ACBD6: variants seen among roughly 807,000 people sequenced by gnomAD.
The protein encoded by ACBD6 is acyl-CoA binding domain containing 6.
In ACBD6, 28 loss-of-function variants were observed where a neutral mutation model predicts 37.2. The observed-to-expected ratio is 0.75, with a 90% CI of 0.56 to 1.03. ACBD6 has a LOEUF of 1.03. Ranked by LOEUF, ACBD6 falls within the 50% of genes least tolerant of loss-of-function variation. The probability of loss-of-function intolerance (pLI) is 0.00; values close to 1 mark genes in which losing one functional copy is unlikely to be tolerated. For synonymous variants in ACBD6, 113 were observed against 126.8 expected, an observed-to-expected ratio of 0.89 and a Z score of 0.73; for missense variants, 340 against 337.4, an observed-to-expected ratio of 1.01 and a Z score of -0.06.
exon 14 of ACBD6, chr1:180,271,711 G>A (rs894691128): frequency 5.2e-5 from 67 of 1,286,254 alleles, no homozygotes; most frequent in Middle Eastern, 2.5e-4. Flanking sequence ...GGGGCGCATC[G>A]CACTCCCAGA....
chr1:180,478,500 T>C (rs566882062), intron 3 of ACBD6, among the ~76,000 whole-genome samples: 1 of 152,142 alleles, frequency 6.6e-6, no homozygotes, highest in East Asian at 1.9e-4. Flanking sequence ...TCTTTTTTTT[T>C]TTTTTTGAGA....
At chr1:180,305,298 T>C (rs931445350) in intron 7 of ACBD6, among the ~76,000 whole-genome samples, 3 of 152,064 alleles carry the variant, frequency 2.0e-5, no homozygotes, top group Admixed American at 1.3e-4. Flanking sequence ...GAAACTACCA[T>C]CAGAGTGAAC....
At chr1:180,348,026 A>G (rs984411618) in intron 6 of ACBD6, among the ~76,000 whole-genome samples, 1 of 152,148 alleles carries the variant, frequency 6.6e-6, no homozygotes, top group Non-Finnish European at 1.5e-5. Flanking sequence ...AGGCATTTCC[A>G]TCTTTAAATA....
intron 6 of ACBD6, among the ~76,000 whole-genome samples, chr1:180,378,598 T>TA (rs1437209866): frequency 6.6e-6 from 1 of 152,024 alleles, no homozygotes; most frequent in Non-Finnish European, 1.5e-5. Flanking sequence ...TATTTCCAAA[T>TA]AAAAAATGAA....
At chr1:180,274,451 A>G (rs2149268919) in intron 10 of ACBD6, 1 of 1,614,206 alleles carries the variant, frequency 6.2e-7, no homozygotes. Context: ...GCAGGGAGTA[A>G]GCCAGACGCT....
At chr1:180,476,914 C>T (rs1441113158) in intron 3 of ACBD6, among the ~76,000 whole-genome samples, 1 of 152,054 alleles carries the variant, frequency 6.6e-6, no homozygotes, top group East Asian at 1.9e-4. Context: ...GTGAAAATAT[C>T]CAATGAATAT....
chr1:180,490,616 A>G (rs1386894343), intron 3 of ACBD6, among the ~76,000 whole-genome samples: 1 of 151,724 alleles, frequency 6.6e-6, no homozygotes, highest in African/African-American at 2.4e-5. Flanking sequence ...TCTACTAAAG[A>G]TAAAAATAAA....
rs375206735 is a variant in ACBD6, at chr1:180,303,378, A to G, written c.694+11314T>C. 2.6e-5 allele frequency among the ~76,000 whole-genome samples: 4 copies of G among 151,184 alleles called. No homozygotes were observed. In the South Asian group the frequency reaches 8.4e-4, roughly 32 times the overall value. ...TGCTAGCAAGACTAATAAAGAAGAA[A>G]AGAGAGAAGAATCAAATAGATGCAA... On this transcript the variant is annotated intron_variant, in intron 7 of 7. Coordinates refer to ENST00000367595, the MANE Select transcript of ACBD6 (RefSeq NM_032360.4).
At chr1:180,451,223 G>T (rs1347567381) in intron 3 of ACBD6, among the ~76,000 whole-genome samples, 1 of 152,154 alleles carries the variant, frequency 6.6e-6, no homozygotes, top group African/African-American at 2.4e-5. Context: ...GACCCACTAG[G>T]ATGGCTACAA....
intron 6 of ACBD6, among the ~76,000 whole-genome samples, chr1:180,330,036 G>C (rs1395378416): frequency 6.6e-6 from 1 of 152,094 alleles, no homozygotes; most frequent in African/African-American, 2.4e-5. Flanking sequence ...ATTCCAAAAA[G>C]CTGACAAAAT....
chr1:180,338,391 G>A (rs1651831993), intron 6 of ACBD6, among the ~76,000 whole-genome samples: 1 of 152,130 alleles, frequency 6.6e-6, no homozygotes, highest in Non-Finnish European at 1.5e-5. Context: ...ACAACTATCT[G>A]ATCTTTGACA....
chr1:180,463,037 A>G (rs538071589), intron 3 of ACBD6, among the ~76,000 whole-genome samples: 2 of 152,358 alleles, frequency 1.3e-5, no homozygotes, highest in South Asian at 4.1e-4. Context: ...TAATGAGAAC[A>G]AAGATACAAT....
intron 6 of ACBD6, among the ~76,000 whole-genome samples, chr1:180,392,901 CAAAAT>C (rs67025020): frequency 0.48 from 73,286 of 151,336 alleles, 20,484 homozygotes; most frequent in South Asian, 0.66. Context: ...CCACTTAAAA[CAAAAT>C]GTTTTTCTTT....
chr1:180,481,447 C>T (rs963630273), intron 3 of ACBD6, among the ~76,000 whole-genome samples: 2 of 152,162 alleles, frequency 1.3e-5, no homozygotes, highest in East Asian at 3.8e-4. Context: ...AGACTTTGTG[C>T]TTTATAATAT....
chr1:180,309,373 C>T (rs1650502043), intron 7 of ACBD6, among the ~76,000 whole-genome samples: 1 of 152,206 alleles, frequency 6.6e-6, no homozygotes, highest in African/African-American at 2.4e-5. Context: ...CACATTCCTA[C>T]ATCCATAAAG....
At chr1:180,471,629 G>T (rs1650570527) in intron 3 of ACBD6, among the ~76,000 whole-genome samples, 1 of 152,044 alleles carries the variant, frequency 6.6e-6, no homozygotes, top group African/African-American at 2.4e-5. Context: ...CCCCTGATAA[G>T]CCCAACAGAT....
chr1:180,411,911 C>A (rs946019450), intron 5 of ACBD6, among the ~76,000 whole-genome samples: 2 of 152,088 alleles, frequency 1.3e-5, no homozygotes, highest in Non-Finnish European at 2.9e-5. Flanking sequence ...GCCTCGTGAT[C>A]TGCCCACCTC....
At chr1:180,422,880 A>G (rs1320200650) in intron 4 of ACBD6, among the ~76,000 whole-genome samples, 5 of 152,206 alleles carry the variant, frequency 3.3e-5, no homozygotes, top group African/African-American at 9.6e-5. Context: ...CACACTAGCC[A>G]TAGGAGGTAG....
intron 7 of ACBD6, among the ~76,000 whole-genome samples, chr1:180,313,982 T>C (rs1571348377): frequency 6.6e-6 from 1 of 152,340 alleles, no homozygotes; most frequent in South Asian, 2.1e-4. Flanking sequence ...TTACTTAAGC[T>C]AATCAGTTAG....
Sources: allele counts gnomAD v4.1 joint callset (sites outside exome capture counted in the v4.1 genomes callset), GRCh38; gene constraint gnomAD v4.1.1; transcripts MANE v1.5; gene names NCBI Gene and HGNC (gene_info 2026-07-23, HGNC 2026-07-21).